Variants in ACAP2 observed in about 807,000 individuals in gnomAD.
ACAP2 encodes the protein ArfGAP with coiled-coil, ankyrin repeat and PH domains 2, also known as arf-GAP with coiled-coil, ANK repeat and PH domain-containing protein 2.
A neutral mutation model predicts 115.8 loss-of-function variants in ACAP2; 39 were observed. That is an observed-to-expected ratio of 0.34 (90% CI 0.26 to 0.44). The LOEUF is 0.44. Among genes scored for constraint, ACAP2 ranks in the 20% least tolerant of loss-of-function variants. The probability of loss-of-function intolerance (pLI) is 1.00; values close to 1 mark genes in which losing one functional copy is unlikely to be tolerated. For synonymous variants in ACAP2, 289 were observed against 315.8 expected (o/e 0.92, Z 0.90); for missense variants, 662 against 927.6 (o/e 0.71, Z 3.72).
chr3:195,410,460 T>TA (rs994478547), intron 1 of ACAP2, among the ~76,000 whole-genome samples: 3 of 151,074 alleles, frequency 2.0e-5, no homozygotes, highest in African/African-American at 7.3e-5. Flanking sequence ...AGACACAGAG[T>TA]AAAAAATCCA....
chr3:195,440,502 T>C (rs1715913586), intron 1 of ACAP2, among the ~76,000 whole-genome samples: 1 of 152,172 alleles, frequency 6.6e-6, no homozygotes, highest in African/African-American at 2.4e-5. Context: ...CAAGATTCAT[T>C]TATGAATAAA....
At chr3:195,356,349 C>G in intron 4 of ACAP2, 2 of 359,482 alleles carry the variant, frequency 5.6e-6, no homozygotes, top group South Asian at 4.1e-5. Flanking sequence ...CTGCAAGCCT[C>G]GCCACCACAG....
intron 10 of ACAP2, among the ~76,000 whole-genome samples, chr3:195,319,571 T>C (rs1317039546): frequency 1.3e-5 from 2 of 152,254 alleles, no homozygotes; most frequent in East Asian, 3.8e-4. Context: ...TTTAGAGCTT[T>C]AAGATTTAAT....
chr3:195,411,065 A>G, intron 1 of ACAP2: 1 of 307,822 alleles, frequency 3.2e-6, no homozygotes, highest in Non-Finnish European at 6.5e-6. Flanking sequence ...CTATTCTGCC[A>G]TCGATGCAGG....
At chr3:195,320,928 C>A in intron 9 of ACAP2, 115 bp from the exon 10 acceptor site, 25 of 570,552 alleles carry the variant, frequency 4.4e-5, no homozygotes, top group South Asian at 1.1e-4. Context: ...AAGACAGTTA[C>A]AACAATATTA....
chr3:195,289,994 G>A (rs142423260), intron 20 of ACAP2, among the ~76,000 whole-genome samples: 1,786 of 152,092 alleles, frequency 0.012, 30 homozygotes, highest in African/African-American at 0.039. Context: ...TTCATTACTT[G>A]AATAAACTGA....
chr3:195,360,420 A>C (rs551047590), intron 4 of ACAP2, among the ~76,000 whole-genome samples: 219 of 152,344 alleles, frequency 1.4e-3, no homozygotes, highest in Middle Eastern at 6.8e-3. Context: ...CCAATATAAT[A>C]ACAGCTGGAG....
At chr3:195,383,023 T>C (rs760741733) in intron 2 of ACAP2, among the ~76,000 whole-genome samples, 5 of 152,128 alleles carry the variant, frequency 3.3e-5, no homozygotes, top group Non-Finnish European at 7.4e-5. Context: ...ATATAATATG[T>C]AGCAATTCCC....
At chr3:195,406,813 CG>C (rs796702493) in intron 1 of ACAP2, among the ~76,000 whole-genome samples, 12 of 152,230 alleles carry the variant, frequency 7.9e-5, no homozygotes, top group African/African-American at 2.9e-4. Flanking sequence ...TCATAAAACT[CG>C]TAAGTATACA....
At chr3:195,297,024 A>ATATTGTATTGAATTATTATC (rs1727697257) in intron 16 of ACAP2, among the ~76,000 whole-genome samples, 166 bp downstream of exon 16, 1 of 152,122 alleles carries the variant, frequency 6.6e-6, no homozygotes, top group Non-Finnish European at 1.5e-5. Flanking sequence ...TCAATACAAT[A>ATATTGTATTGAATTATTATC]TAATTATCTA....
At position 195,306,491 on chromosome 3, in the gene ACAP2, T is replaced by C. The variant is rs563163086; in HGVS notation, c.1116+20A>G. On this transcript the variant is annotated intron_variant, in intron 13 of 22. Coordinates refer to ENST00000326793, the MANE Select transcript of ACAP2 (RefSeq NM_012287.6). ...AATTTTGGCAATATATTATCTGGTATTGCTAATACCTCTACTAACCTCTGA... is the reference window on the plus strand; with the variant it reads ...AATTTTGGCAATATATTATCTGGTACTGCTAATACCTCTACTAACCTCTGA... The C allele has an allele frequency of 1.1e-5, 17 of 1,538,072 alleles. No homozygotes were observed. In the African/African-American group the frequency reaches 1.8e-4, roughly 16 times the overall value.
chr3:195,341,269 A>C (rs1730846507), intron 6 of ACAP2, among the ~76,000 whole-genome samples: 1 of 151,782 alleles, frequency 6.6e-6, no homozygotes, highest in African/African-American at 2.4e-5. Flanking sequence ...CAACTTACCA[A>C]ATACAGATTT....
chr3:195,417,078 ATTTTTTTTTTTTT>A (rs11293878), intron 1 of ACAP2, among the ~76,000 whole-genome samples: 1 of 109,548 alleles, frequency 9.1e-6, no homozygotes, highest in African/African-American at 3.9e-5. Flanking sequence ...TGCCTGGCTA[ATTTTTTTTTTTTT>A]TTTTTTTTTT....
intron 1 of ACAP2, among the ~76,000 whole-genome samples, chr3:195,428,911 C>A (rs1225593073): frequency 2.6e-5 from 4 of 152,162 alleles, no homozygotes; most frequent in Non-Finnish European, 1.5e-5. Context: ...CTTGACACAG[C>A]AATTCAACTC....
chr3:195,362,144 T>C (rs1732412523), intron 4 of ACAP2, among the ~76,000 whole-genome samples: 1 of 151,842 alleles, frequency 6.6e-6, no homozygotes, highest in Non-Finnish European at 1.5e-5. Context: ...TGAAACCCCG[T>C]CTCTACTAAA....
intron 4 of ACAP2, among the ~76,000 whole-genome samples, chr3:195,370,511 C>G (rs1171094924): frequency 6.6e-6 from 1 of 152,126 alleles, no homozygotes; most frequent in Non-Finnish European, 1.5e-5. Flanking sequence ...TCCTTTCCCT[C>G]ATTACTTGTT....
chr3:195,435,790 C>T (rs1166154191), intron 1 of ACAP2, among the ~76,000 whole-genome samples: 1 of 152,098 alleles, frequency 6.6e-6, no homozygotes, highest in African/African-American at 2.4e-5. Flanking sequence ...CTGGAGGATA[C>T]TTCATGTAAA....
intron 11 of ACAP2, 61 bp downstream of exon 11, chr3:195,308,725 A>T: frequency 7.2e-7 from 1 of 1,386,318 alleles, no homozygotes; most frequent in Non-Finnish European, 1.0e-6. Flanking sequence ...TTCAATGTTT[A>T]CCAAAACAGA....
intron 1 of ACAP2, among the ~76,000 whole-genome samples, chr3:195,402,183 T>C (rs146213000): frequency 9.3e-4 from 141 of 152,304 alleles, no homozygotes; most frequent in African/African-American, 3.3e-3. Flanking sequence ...TTCAGCTAGT[T>C]ACCAGGTAAA....
Sources: gnomAD v4.1 joint callset for allele counts (sites outside exome capture counted in the v4.1 genomes callset) on GRCh38, gnomAD v4.1.1 for gene constraint, MANE v1.5 for transcripts, NCBI Gene and HGNC (gene_info 2026-07-23, HGNC 2026-07-21) for gene names.